The following PLA2G4A variants were observed in gnomAD, a reference collection of about 807,000 sequenced individuals.
The protein encoded by PLA2G4A is phospholipase A2 group IVA, also known as cytosolic phospholipase A2.
A neutral mutation model predicts 81.9 loss-of-function variants in PLA2G4A; 40 were observed. The ratio of observed to expected loss-of-function variants is 0.49; its 90% confidence interval spans 0.38 to 0.64. The LOEUF (loss-of-function observed/expected upper bound fraction) is 0.64. PLA2G4A is among the 30% of genes least tolerant of loss of function. The pLI is 0.00. For synonymous variants in PLA2G4A, 302 were observed against 296.9 expected (o/e 1.02, Z -0.18); for missense variants, 715 against 905.1 (o/e 0.79, Z 2.69).
intron 1 of PLA2G4A, among the ~76,000 whole-genome samples, chr1:186,838,109 G>A (rs1456879619): frequency 6.6e-6 from 1 of 152,134 alleles, no homozygotes; most frequent in African/African-American, 2.4e-5. Context: ...TTTCCGGTGG[G>A]AATACAAGTC....
chr1:186,848,431 C>G (rs933257802), intron 1 of PLA2G4A, among the ~76,000 whole-genome samples: 4 of 152,144 alleles, frequency 2.6e-5, no homozygotes, highest in African/African-American at 7.2e-5. Flanking sequence ...CATCCCCTTT[C>G]TCCTGCAACA....
intron 7 of PLA2G4A, among the ~76,000 whole-genome samples, chr1:186,918,826 TG>T (rs1477795800): frequency 6.6e-6 from 1 of 152,242 alleles, no homozygotes; most frequent in Admixed American, 6.5e-5. Flanking sequence ...TGTTAGCCAA[TG>T]ATGTCCTTCG....
intron 5 of PLA2G4A, among the ~76,000 whole-genome samples, chr1:186,905,277 T>C (rs145637802): frequency 1.3e-5 from 2 of 152,186 alleles, no homozygotes; most frequent in African/African-American, 4.8e-5. Flanking sequence ...TTCCATTTAT[T>C]AGAAAACTCT....
intron 17 of PLA2G4A, among the ~76,000 whole-genome samples, chr1:186,981,096 C>T (rs1255217858): frequency 6.6e-6 from 1 of 151,858 alleles, no homozygotes; most frequent in African/African-American, 2.4e-5. Context: ...TTTATAAAAC[C>T]TCATGCTACT....
intron 2 of PLA2G4A, 84 bp from the exon 3 acceptor site, chr1:186,870,351 T>C (rs1395038230): frequency 2.5e-6 from 2 of 815,706 alleles, no homozygotes; most frequent in African/African-American, 3.4e-5. Context: ...TGTTTTTAAG[T>C]AGAATATTTT....
chr1:186,911,995 A>G (rs903664790), intron 7 of PLA2G4A, among the ~76,000 whole-genome samples: 1 of 152,110 alleles, frequency 6.6e-6, no homozygotes, highest in African/African-American at 2.4e-5. Flanking sequence ...AGGCAGGAGA[A>G]AAGGGATGTC....
intron 2 of PLA2G4A, among the ~76,000 whole-genome samples, chr1:186,863,192 C>T (rs534168977): frequency 2.6e-5 from 4 of 152,298 alleles, no homozygotes; most frequent in Non-Finnish European, 5.9e-5. Flanking sequence ...GTCTGAGCCT[C>T]TCAGGTAGCT....
intron 7 of PLA2G4A, among the ~76,000 whole-genome samples, chr1:186,913,680 G>C (rs1213515220): frequency 3.9e-5 from 6 of 152,010 alleles, no homozygotes; most frequent in Non-Finnish European, 5.9e-5. Context: ...GCATAGTCTT[G>C]TACACTCTTG....
At chr1:186,951,274 G>A (rs1381783216) in intron 13 of PLA2G4A, among the ~76,000 whole-genome samples, 3 of 152,008 alleles carry the variant, frequency 2.0e-5, no homozygotes, top group Non-Finnish European at 4.4e-5. Context: ...ATTTTGACAA[G>A]GTAGTTTGCA....
At chr1:186,881,517 C>T (rs778778994) in intron 3 of PLA2G4A, among the ~76,000 whole-genome samples, 5 of 152,046 alleles carry the variant, frequency 3.3e-5, no homozygotes, top group South Asian at 2.1e-4. Flanking sequence ...ATAGCCATAA[C>T]GCTTATAATT....
intron 1 of PLA2G4A, among the ~76,000 whole-genome samples, chr1:186,839,778 C>G (rs1445384152): frequency 5.3e-5 from 8 of 151,994 alleles, no homozygotes; most frequent in Admixed American, 5.2e-4. Context: ...CTATCATCAT[C>G]TTACTCTTTA....
intron 2 of PLA2G4A, among the ~76,000 whole-genome samples, chr1:186,855,195 C>T (rs1358533628): frequency 6.6e-6 from 1 of 151,858 alleles, no homozygotes; most frequent in Non-Finnish European, 1.5e-5. Flanking sequence ...TCAGCCCTTC[C>T]ACTTCACAAA....
intron 3 of PLA2G4A, among the ~76,000 whole-genome samples, chr1:186,890,542 G>GA (rs1654096790): frequency 8.3e-6 from 1 of 120,638 alleles, no homozygotes; most frequent in Admixed American, 9.5e-5. Flanking sequence ...GATTCAAGTG[G>GA]GTATTTATGT....
intron 7 of PLA2G4A, among the ~76,000 whole-genome samples, chr1:186,920,758 G>A (rs770405868): frequency 3.0e-4 from 46 of 152,186 alleles, no homozygotes; most frequent in Non-Finnish European, 2.5e-4. Flanking sequence ...CCTAAAGGCC[G>A]TGGCCAGTAA....
At chr1:186,926,014 G>A (rs1407571305) in intron 7 of PLA2G4A, among the ~76,000 whole-genome samples, 2 of 152,208 alleles carry the variant, frequency 1.3e-5, no homozygotes, top group Non-Finnish European at 2.9e-5. Context: ...AGAGGTCATG[G>A]TTTTGAAACA....
intron 1 of PLA2G4A, among the ~76,000 whole-genome samples, chr1:186,835,983 T>A (rs1032144363): frequency 6.6e-6 from 1 of 152,146 alleles, no homozygotes; most frequent in Non-Finnish European, 1.5e-5. Context: ...ATTTTTTCCC[T>A]CTCACCTTTA....
At chr1:186,947,199 A>G (rs906808194) in intron 12 of PLA2G4A, among the ~76,000 whole-genome samples, 2 of 152,284 alleles carry the variant, frequency 1.3e-5, no homozygotes, top group East Asian at 1.9e-4. Flanking sequence ...AATTTTTAAT[A>G]GAACACATCT....
chr1:186,924,934 G>A (rs1464620351), intron 7 of PLA2G4A, among the ~76,000 whole-genome samples: 2 of 152,040 alleles, frequency 1.3e-5, no homozygotes, highest in African/African-American at 4.8e-5. Flanking sequence ...TGTAGTCCTA[G>A]CTACTTGGGA....
At chr1:186,870,726 G>A (rs1020983244) in intron 3 of PLA2G4A, 2 of 1,553,634 alleles carry the variant, frequency 1.3e-6, no homozygotes, top group Non-Finnish European at 1.7e-6. Flanking sequence ...AGTGACAAAG[G>A]GGGCCTTTGG....
Sources: gnomAD v4.1 joint callset for allele counts (sites outside exome capture counted in the v4.1 genomes callset) on GRCh38, gnomAD v4.1.1 for gene constraint, MANE v1.5 for transcripts, NCBI Gene and HGNC (gene_info 2026-07-23, HGNC 2026-07-21) for gene names.